Variants in P2RY11 observed in about 807,000 individuals in gnomAD.
P2RY11 encodes purinergic receptor P2Y11, also known as P2Y purinoceptor 11.
P2RY11 carries 3 observed loss-of-function variants against 2.4 expected under a neutral mutation model. The observed-to-expected ratio is 1.22, with a 90% CI of 0.56 to 3.17. The LOEUF is 3.17. P2RY11 is among the 30% of genes most tolerant of loss of function. The pLI, the probability that P2RY11 is intolerant of heterozygous loss-of-function variation, is 0.03. For missense variants in P2RY11, 670 were observed against 528.2 expected (o/e 1.27, Z -2.63); for synonymous variants, 307 against 237.3 (o/e 1.29, Z -2.70).
At position 10,114,163 on chromosome 19, in the gene P2RY11, A is replaced by G; in HGVS notation, c.550A>G (p.Arg184Gly). 2 of 1,600,832 alleles carry G rather than the reference A, an allele frequency of 1.2e-6. No homozygotes were observed. Among genetic ancestry groups the G allele is most frequent in the Non-Finnish European group, 1.7e-6 (2 of 1,179,556 alleles). Residue 184 changes from arginine (R) to glycine (G), a missense_variant, in exon 2 of 2, where the codon AGG becomes GGG. Coordinates refer to ENST00000321826, the MANE Select transcript of P2RY11 (RefSeq NM_002566.5). ...GGGGGCGGGCAACTGCAGCGTGGCC[A>G]GGCCCGAGGCCTGCATCAAGTGTCT... ...QQGAGNCSVARPEACIKCLGT... is the reference protein window; with the variant it reads ...QQGAGNCSVAGPEACIKCLGT...
At position 10,113,828 on chromosome 19, in the gene P2RY11, C is replaced by T. The variant is rs1301857075; in HGVS notation, c.215C>T (p.Ala72Val). Residue 72 changes from alanine to valine, a missense_variant, in exon 2 of 2, where the codon GCA (alanine) becomes GTA (valine). Transcript: ENST00000321826. ...HPAVVFSVQL[A>V]VSDLLCALTL... is the part of the protein sequence containing the mutation. ...GCCGTGGTCTTCTCTGTCCAGCTGG[C>T]AGTCAGCGACCTGCTCTGCGCCCTG... The T allele has an allele frequency of 4.3e-6, 7 of 1,613,762 alleles. No homozygotes were observed. Among genetic ancestry groups the T allele is most frequent in the Non-Finnish European group, 5.9e-6 (7 of 1,179,944 alleles).
Position 10,114,465 on chromosome 19 carries a change from C to T in P2RY11, c.852C>T (p.Ser284=). 1 of 1,612,218 alleles carries T rather than the reference C, an allele frequency of 6.2e-7. No individual in the cohort carries two copies. Among genetic ancestry groups the T allele is most frequent in the Non-Finnish European group, 8.5e-7 (1 of 1,179,788 alleles). The change falls in exon 2 of 2, where the codon AGC becomes AGT. Residue 284 remains serine, a synonymous_variant. Coordinates refer to ENST00000321826, the MANE Select transcript of P2RY11 (RefSeq NM_002566.5). ...GGCGCTGGAGCACCCGCTGCCCGAG[C>T]TTTGCAGACATAGCCCAGGCCACAG... ...ARRRWSTRCP[S]FADIAQATAA... is the part of the protein sequence containing the mutation.
Position 10,114,778 on chromosome 19 carries a change from C to T in P2RY11, c.*40C>T. 3.2e-6 allele frequency: 5 copies of T among 1,556,976 alleles called. No individual in the cohort carries two copies. Among genetic ancestry groups the T allele is most frequent in the South Asian group, 1.2e-5 (1 of 83,390 alleles). On this transcript the variant is annotated 3_prime_UTR_variant, in exon 2 of 2. Transcript: ENST00000321826. Reference sequence around the variant, plus strand: ...AGCTGCCTCCTCACCCTAGGTGTTGCTGGAGAACCCTGAGGGCAGGGCCCG... The same window carrying T: ...AGCTGCCTCCTCACCCTAGGTGTTGTTGGAGAACCCTGAGGGCAGGGCCCG...
At chr19:10,112,142 G>T in intron 1 of P2RY11, 1 of 187,832 alleles carries the variant, frequency 5.3e-6, no homozygotes, top group Non-Finnish European at 1.1e-5. Context: ...GCTGGGTGTG[G>T]TGATGCGAGC....
rs1209326281 is a variant in P2RY11, at chr19:10,113,735, T to C, written c.122T>C (p.Val41Ala). 2 of 1,613,904 alleles carry C rather than the reference T, an allele frequency of 1.2e-6. No homozygotes were observed. Among genetic ancestry groups the C allele is most frequent in the Non-Finnish European group, 1.7e-6 (2 of 1,179,950 alleles). Residue 41 changes from valine (V) to alanine (A), a missense_variant, in exon 2 of 2, where the codon GTG becomes GCG. Val to Ala is a moderately conservative substitution (Grantham distance 64). Transcript: ENST00000321826. Reference sequence around the variant, plus strand: ...CCCATACTGGTGGTTGAGTTCCTGGTGGCCGTGGCCAGCAATGGCCTGGCC... The same window carrying C: ...CCCATACTGGTGGTTGAGTTCCTGGCGGCCGTGGCCAGCAATGGCCTGGCC... ...LWPILVVEFLVAVASNGLALY... is the reference protein window; with the variant it reads ...LWPILVVEFLAAVASNGLALY...
In P2RY11 at chr19:10,114,522, C is replaced by A. The variant is rs1258710295; in HGVS notation, c.909C>A (p.Tyr303Ter). The A allele has an allele frequency of 6.2e-7, 1 of 1,610,380 alleles. No individual in the cohort carries two copies. The highest frequency in any genetic ancestry group is 2.2e-5 in the East Asian group (1 of 44,754). ...TGGAGCTGGGGCCCTACGTGGGCTA[C>A]CAGGTGATGCGGGGCCTCATGCCCC... ...AALELGPYVGYQVMRGLMPLA... is the reference protein window; with the variant it reads ...AALELGPYVG The change falls in exon 2 of 2, where the codon TAC (tyrosine) becomes TAA (stop). Residue 303 changes from tyrosine (Y) to a stop codon, truncating the protein, a stop_gained. Transcript: ENST00000321826. LOFTEE classifies it low-confidence loss of function (END_TRUNC).
Position 10,114,508 on chromosome 19 carries a change from C to A in P2RY11, c.895C>A (p.Pro299Thr), listed in dbSNP as rs761975287. 7 of 1,609,610 alleles carry A rather than the reference C, an allele frequency of 4.3e-6. No individual in the cohort carries two copies. The South Asian group carries it at 7.7e-5, about 18-fold the overall frequency. The change falls in exon 2 of 2, where the codon CCC (proline) becomes ACC (threonine). Residue 299 changes from proline to threonine, a missense_variant. Physicochemically the swap from Pro to Thr is conservative, Grantham distance 38. Transcript: ENST00000321826. The stretch of plus-strand genomic sequence containing the variant: ...GGCCACAGCAGCCCTGGAGCTGGGG[C>A]CCTACGTGGGCTACCAGGTGATGCG... The part of the protein sequence containing the change: ...AQATAALELG[P>T]YVGYQVMRGL...
At chr19:10,113,561 G>C in intron 1 of P2RY11, 72 bp from the exon 2 acceptor site, 1 of 1,539,474 alleles carries the variant, frequency 6.5e-7, no homozygotes, top group African/African-American at 1.4e-5. Flanking sequence ...CATGGCAGAC[G>C]TGGGCTCTTG....
chr19:10,113,685 TGGGTTC>T lies in P2RY11; in HGVS notation c.73_78del (p.Gly25_Phe26del). On this transcript the variant is annotated inframe_deletion, in exon 2 of 2. Transcript: ENST00000321826. ...TGGCAGCTGCCGACGACAAACTCAG[TGGGTTC>T]CAGGGGGACTTCCTGTGGCCCATAC... 6.2e-7 allele frequency: 1 copy of T among 1,612,914 alleles called. No individual in the cohort carries two copies. The highest frequency in any genetic ancestry group is 2.2e-5 in the East Asian group (1 of 44,816).
At position 10,114,429 on chromosome 19, in the gene P2RY11, G is replaced by A. The variant is rs1214937440; in HGVS notation, c.816G>A (p.Val272=). 6.2e-7 allele frequency: 1 copy of A among 1,611,364 alleles called. No individual in the cohort carries two copies. Among genetic ancestry groups the A allele is most frequent in the Non-Finnish European group, 8.5e-7 (1 of 1,179,898 alleles). The part of the protein sequence containing the change: ...VPYHIMRVLN[V]DARRRWSTRC... Reference sequence around the variant, plus strand: ...ACCACATCATGCGGGTGCTCAACGTGGATGCTCGGCGGCGCTGGAGCACCC... The same window carrying A: ...ACCACATCATGCGGGTGCTCAACGTAGATGCTCGGCGGCGCTGGAGCACCC... Residue 272 remains valine (V), a synonymous_variant, in exon 2 of 2, where the codon GTG becomes GTA. Coordinates refer to ENST00000321826, the MANE Select transcript of P2RY11 (RefSeq NM_002566.5).
intron 1 of P2RY11, 144 bp from the exon 2 acceptor site, chr19:10,113,489 A>G: frequency 8.1e-7 from 1 of 1,241,256 alleles, no homozygotes; most frequent in South Asian, 1.5e-5. Flanking sequence ...CTGTCCACAT[A>G]AAGGAGTGGA....
chr19:10,115,080 AGGGTCCCGGACC>A lies in P2RY11; in HGVS notation c.*344_*355del, dbSNP rs1305405990. ...TCTCGGAGGCTGTCTTCTGTCGCCA[AGGGTCCCGGACC>A]GAGTACACAGTGGCAGCTGGCTTAG... On this transcript the variant is annotated 3_prime_UTR_variant, in exon 2 of 2. Transcript: ENST00000321826. The A allele has an allele frequency of 6.2e-7, 1 of 1,613,736 alleles. No homozygotes were observed. Among genetic ancestry groups the A allele is most frequent in the Non-Finnish European group, 8.5e-7 (1 of 1,179,996 alleles).
At position 10,114,430 on chromosome 19, in the gene P2RY11, G is replaced by A. The variant is rs768472475; in HGVS notation, c.817G>A (p.Asp273Asn). ...PYHIMRVLNV[D>N]ARRRWSTRCP... ...CCACATCATGCGGGTGCTCAACGTGGATGCTCGGCGGCGCTGGAGCACCCG... is the reference window on the plus strand; with the variant it reads ...CCACATCATGCGGGTGCTCAACGTGAATGCTCGGCGGCGCTGGAGCACCCG... The change falls in exon 2 of 2, where the codon GAT (aspartate) becomes AAT (asparagine). Residue 273 changes from aspartate to asparagine, a missense_variant. Asp to Asn is a conservative substitution (Grantham distance 23). Coordinates refer to ENST00000321826, the MANE Select transcript of P2RY11 (RefSeq NM_002566.5). 5.6e-6 allele frequency: 9 copies of A among 1,611,362 alleles called. No individual in the cohort carries two copies. The highest frequency in any genetic ancestry group is 7.6e-6 in the Non-Finnish European group (9 of 1,179,904).
In P2RY11 at chr19:10,114,220, A is replaced by G; in HGVS notation, c.607A>G (p.Arg203Gly). The G allele has an allele frequency of 6.3e-7, 1 of 1,599,878 alleles. No homozygotes were observed. Among genetic ancestry groups the G allele is most frequent in the Non-Finnish European group, 8.5e-7 (1 of 1,179,474 alleles). ...GTADHGLAAYRAYSLVLAGLG... is the reference protein window; with the variant it reads ...GTADHGLAAYGAYSLVLAGLG... ...AGCAGACCACGGGCTGGCGGCCTACAGAGCGTATAGCCTGGTGCTGGCGGG... is the reference window on the plus strand; with the variant it reads ...AGCAGACCACGGGCTGGCGGCCTACGGAGCGTATAGCCTGGTGCTGGCGGG... The change falls in exon 2 of 2, where the codon AGA becomes GGA. Residue 203 changes from arginine to glycine, a missense_variant. By Grantham distance (125) the Arg-to-Gly change is moderately radical. Transcript: ENST00000321826.
At position 10,114,003 on chromosome 19, in the gene P2RY11, CA is replaced by C; in HGVS notation, c.391del (p.Ile131SerfsTer19). On this transcript the variant is annotated frameshift_variant, in exon 2 of 2. Transcript: ENST00000321826. LOFTEE classifies it low-confidence loss of function (END_TRUNC). The part of the protein sequence containing the change: ...TCISLNRYLG[I>X]VHPFFARSHL... ...GCATCAGCCTCAACCGCTACCTGGG[CA>C]TCGTGCACCCCTTCTTCGCCCGAAG... 6.2e-7 allele frequency: 1 copy of C among 1,601,568 alleles called. No individual in the cohort carries two copies.
In P2RY11 at chr19:10,114,828, A is replaced by G; in HGVS notation, c.*90A>G. ...GAGCCCCGACACATCCCTTCCCCCA[A>G]AAAGCAACACCTGTGCTTGCAGCCA... is the stretch of plus-strand genomic sequence containing the variant. On this transcript the variant is annotated 3_prime_UTR_variant, in exon 2 of 2. Coordinates refer to ENST00000321826, the MANE Select transcript of P2RY11 (RefSeq NM_002566.5). The G allele has an allele frequency of 6.6e-7, 1 of 1,513,722 alleles. No homozygotes were observed. Among genetic ancestry groups the G allele is most frequent in the Non-Finnish European group, 8.8e-7 (1 of 1,134,076 alleles). The allele number at this position is 1,513,722 out of a possible 1,614,324, so 93.8% of individuals were successfully genotyped here. A position where few individuals can be genotyped will look rare whatever the true frequency, so the allele number is the denominator to read the frequency against.
chr19:10,112,813 G>A (rs2089136611), intron 1 of P2RY11, among the ~76,000 whole-genome samples: 2 of 151,774 alleles, frequency 1.3e-5, no homozygotes, highest in South Asian at 2.1e-4. Flanking sequence ...GTGGTGGTGG[G>A]TGCCTGTAGT....
chr19:10,112,095 C>T (rs919784794), intron 1 of P2RY11: 10 of 188,408 alleles, frequency 5.3e-5, no homozygotes, highest in African/African-American at 1.7e-4. Flanking sequence ...GGGCAATGAG[C>T]GAAACTCCAT....
chr19:10,113,620 C>T lies in P2RY11; in HGVS notation c.20-13C>T, dbSNP rs1458023322. On this transcript the variant is annotated splice_polypyrimidine_tract_variant and intron_variant, in intron 1 of 1. Transcript: ENST00000321826. ...GGGAATAGGGCTCAGCTGGTGACAC[C>T]TTCTGCCCACAGGTGCCAAGTCCTG... is the stretch of plus-strand genomic sequence containing the variant. The T allele has an allele frequency of 1.2e-6, 2 of 1,602,942 alleles. No individual in the cohort carries two copies. Among genetic ancestry groups the T allele is most frequent in the Admixed American group, 1.7e-5 (1 of 59,360 alleles).
Sources: allele counts gnomAD v4.1 joint callset (sites outside exome capture counted in the v4.1 genomes callset), GRCh38; gene constraint gnomAD v4.1.1; transcripts MANE v1.5; gene names NCBI Gene and HGNC (gene_info 2026-07-23, HGNC 2026-07-21).